The following SLC22A23 variants were observed in gnomAD, a reference collection of about 807,000 sequenced individuals.
SLC22A23 encodes ion transporter protein.
Under a neutral mutation model 61.0 loss-of-function variants are expected in SLC22A23, and 26 were observed. The ratio of observed to expected loss-of-function variants is 0.43; its 90% confidence interval spans 0.31 to 0.59. The LOEUF is 0.59. SLC22A23 is among the 20% of genes least tolerant of loss of function. SLC22A23 has a pLI of 0.11. For synonymous variants in SLC22A23, 430 were observed against 413.9 expected (o/e 1.04, Z -0.47); for missense variants, 796 against 934.7 (o/e 0.85, Z 1.94).
chr6:3,314,980 C>T (rs1312948658), intron 4 of SLC22A23, among the ~76,000 whole-genome samples: 1 of 152,166 alleles, frequency 6.6e-6, no homozygotes, highest in Non-Finnish European at 1.5e-5. Flanking sequence ...TTATTGCTTT[C>T]CCAGATGCTT....
chr6:3,378,173 A>T (rs552222948), intron 3 of SLC22A23, among the ~76,000 whole-genome samples: 1 of 152,266 alleles, frequency 6.6e-6, no homozygotes, highest in African/African-American at 2.4e-5. Context: ...GGCTCCGAAC[A>T]CTTTGTACTT....
Position 3,410,254 on chromosome 6 carries a change from A to G in SLC22A23, c.847T>C (p.Phe283Leu). 6.2e-7 allele frequency: 1 copy of G among 1,614,080 alleles called. No homozygotes were observed. The highest frequency in any genetic ancestry group is 8.5e-7 in the Non-Finnish European group (1 of 1,179,976). Reference protein sequence around the residue: ...TVALSVNVTMFSTLRFFEGFC... With the variant: ...TVALSVNVTMLSTLRFFEGFC... ...CCTTCAAAGAACCTGAGTGTGCTGAACATTGTCACATTCACTGACAGTGCC... is the reference window on the plus strand; with the variant it reads ...CCTTCAAAGAACCTGAGTGTGCTGAGCATTGTCACATTCACTGACAGTGCC... Residue 283 changes from phenylalanine to leucine, a missense_variant, in exon 3 of 10, where the codon TTC becomes CTC. Transcript: ENST00000406686. The surrounding 1 kb of genome is among the most constrained non-coding windows in gnomAD (Gnocchi z 5.0).
chr6:3,290,785 C>T (rs1210574747), intron 5 of SLC22A23: 1 of 152,482 alleles, frequency 6.6e-6, no homozygotes, highest in African/African-American at 2.4e-5. Context: ...AATGCCACCT[C>T]AGCCTTCTGT....
rs546637282 is a variant in SLC22A23, at chr6:3,371,260, G to C, written c.913+38928C>G. ...AACTTTTCCAGAAAGAAAGCCAAAT[G>C]GCAAATATTTTAGGTGCTGCAGGCC... On this transcript the variant is annotated intron_variant, in intron 3 of 9. Transcript: ENST00000406686. Among the ~76,000 whole-genome samples the C allele has an allele frequency of 1.8e-3, 272 of 152,334 alleles. No individual in the cohort carries two copies. In the Middle Eastern group the frequency reaches 0.027, roughly 15 times the overall value.
intron 3 of SLC22A23, among the ~76,000 whole-genome samples, chr6:3,393,271 A>G (rs920319166): frequency 2.0e-5 from 3 of 152,190 alleles, no homozygotes; most frequent in Non-Finnish European, 2.9e-5. Context: ...TGTTTGGAGA[A>G]GTTTTGCTGT....
rs983254080 is a variant in SLC22A23, at chr6:3,272,191, G to C, written c.*864C>G. On this transcript the variant is annotated 3_prime_UTR_variant, in exon 10 of 10. Transcript: ENST00000406686. ...GGTTTGTAGCTTAGAAAGTAGCCAT[G>C]TTTTCAAGTAGTGCCGGCACAAGAG... 1 of 152,586 alleles carries C rather than the reference G, an allele frequency of 6.6e-6. No individual in the cohort carries two copies. The highest frequency in any genetic ancestry group is 2.4e-5 in the African/African-American group (1 of 41,438). 9.5% of individuals were successfully genotyped at this position (152,586 alleles called of 1,614,324 possible). A position where few individuals can be genotyped will look rare whatever the true frequency, so the allele number is the denominator to read the frequency against.
At chr6:3,352,871 G>A (rs921856965) in intron 3 of SLC22A23, among the ~76,000 whole-genome samples, 1 of 152,140 alleles carries the variant, frequency 6.6e-6, no homozygotes, top group African/African-American at 2.4e-5. Flanking sequence ...CAAGCCGCGT[G>A]CCCTGCAAAC....
intron 4 of SLC22A23, among the ~76,000 whole-genome samples, chr6:3,319,827 G>A (rs1762848240): frequency 1.3e-5 from 2 of 152,178 alleles, no homozygotes; most frequent in East Asian, 1.9e-4. Flanking sequence ...GAGCTTCCCT[G>A]GTTCTCACAT....
chr6:3,299,316 T>G (rs1324977760), intron 4 of SLC22A23, among the ~76,000 whole-genome samples: 1 of 152,180 alleles, frequency 6.6e-6, no homozygotes, highest in Non-Finnish European at 1.5e-5. Context: ...AATAGAATGA[T>G]TTTACGTTTA....
At chr6:3,445,647 T>C (rs925710137) in intron 1 of SLC22A23, among the ~76,000 whole-genome samples, 2 of 152,072 alleles carry the variant, frequency 1.3e-5, no homozygotes, top group African/African-American at 2.4e-5. Flanking sequence ...GGACAGCTGG[T>C]TGCCGTCCTT....
intron 1 of SLC22A23, among the ~76,000 whole-genome samples, chr6:3,416,850 A>G (rs1417168520): frequency 3.9e-5 from 6 of 152,190 alleles, no homozygotes; most frequent in Non-Finnish European, 2.9e-5. Flanking sequence ...ATTCACGCCA[A>G]TGCATTTGGG....
At chr6:3,395,659 T>TGA (rs1471992465) in intron 3 of SLC22A23, among the ~76,000 whole-genome samples, 1 of 152,176 alleles carries the variant, frequency 6.6e-6, no homozygotes, top group African/African-American at 2.4e-5. Context: ...ACATAAAGCT[T>TGA]GAGTATTCCA....
chr6:3,416,981 T>C (rs1449678144), intron 1 of SLC22A23, among the ~76,000 whole-genome samples: 1 of 152,130 alleles, frequency 6.6e-6, no homozygotes, highest in African/African-American at 2.4e-5. Flanking sequence ...CCCCCGCCCC[T>C]TGTCTCTATG....
Position 3,403,776 on chromosome 6 carries a change from C to T in SLC22A23, c.913+6412G>A, listed in dbSNP as rs149109819. Among the ~76,000 whole-genome samples the T allele has an allele frequency of 1.5e-3, 225 of 152,312 alleles. 3 individuals carry two copies. The highest frequency in any genetic ancestry group is 2.3e-3 in the East Asian group (12 of 5,190). ...CATAGAATTCTAAAACTGGAAGTTA[C>T]GTTGAAGCTCAATAGTTTTCCATTT... On this transcript the variant is annotated intron_variant, in intron 3 of 9. Coordinates refer to ENST00000406686, the MANE Select transcript of SLC22A23 (RefSeq NM_015482.2).
intron 1 of SLC22A23, among the ~76,000 whole-genome samples, chr6:3,448,054 C>G (rs1771995355): frequency 6.6e-6 from 1 of 151,796 alleles, no homozygotes; most frequent in Non-Finnish European, 1.5e-5. Flanking sequence ...AGGCACCCAC[C>G]ACCATGCCCA....
intron 3 of SLC22A23, among the ~76,000 whole-genome samples, chr6:3,382,556 A>G (rs900764690): frequency 1.3e-5 from 2 of 152,144 alleles, no homozygotes; most frequent in Admixed American, 6.5e-5. Context: ...TAGTAGCAAC[A>G]TTGTCCTTCC....
At position 3,288,036 on chromosome 6, in the gene SLC22A23, A is replaced by G. The variant is rs538526185; in HGVS notation, c.1314-945T>C. Among the ~76,000 whole-genome samples, 4 of 152,204 alleles carry G rather than the reference A, an allele frequency of 2.6e-5. No individual in the cohort carries two copies. In the South Asian group the frequency reaches 8.3e-4, roughly 32 times the overall value. On this transcript the variant is annotated intron_variant, in intron 6 of 9. Transcript: ENST00000406686. The stretch of plus-strand genomic sequence containing the variant: ...GTTTCCCCTCCACTGCCCTGGGTCA[A>G]GCTTCTTTATTGCCCCACACGAGCG...
chr6:3,280,349 G>A (rs1759325080), intron 9 of SLC22A23, among the ~76,000 whole-genome samples: 1 of 152,138 alleles, frequency 6.6e-6, no homozygotes, highest in Admixed American at 6.6e-5. Context: ...CAGGCTCCGG[G>A]CCATATCATC....
chr6:3,291,804 T>TTCCGAGAAGAAAATTTCAA (rs1193389869), intron 5 of SLC22A23: 5 of 152,332 alleles, frequency 3.3e-5, no homozygotes, highest in Non-Finnish European at 7.4e-5. Flanking sequence ...CATGGAAGAC[T>TTCCGAGAAGAAAATTTCAA]TCCGAGAAGA....
Sources: allele counts gnomAD v4.1 joint callset (sites outside exome capture counted in the v4.1 genomes callset), GRCh38; gene constraint gnomAD v4.1.1; non-coding constraint Gnocchi (gnomAD v3.1); transcripts MANE v1.5; gene names NCBI Gene and HGNC (gene_info 2026-07-23, HGNC 2026-07-21).